The following FMN2 variants were observed in gnomAD, a reference collection of about 807,000 sequenced individuals.
The protein encoded by FMN2 is formin 2.
Under a neutral mutation model 142.3 loss-of-function variants are expected in FMN2, and 51 were observed. That is an observed-to-expected ratio of 0.36 (90% CI 0.29 to 0.45). The LOEUF (loss-of-function observed/expected upper bound fraction) is 0.45, where lower values mean the gene tolerates loss of function less well. Among genes scored for constraint, FMN2 ranks in the 20% least tolerant of loss-of-function variants. The pLI, the probability that FMN2 is intolerant of heterozygous loss-of-function variation, is 1.00. For missense variants in FMN2, 1,936 were observed against 2,122.8 expected (o/e 0.91, Z 1.73); for synonymous variants, 882 against 869.8 (o/e 1.01, Z -0.25).
chr1:240,113,816 A>G (rs1661913720), intron 1 of FMN2, among the ~76,000 whole-genome samples: 2 of 152,194 alleles, frequency 1.3e-5, no homozygotes, highest in African/African-American at 4.8e-5. Context: ...TGGAAATAAC[A>G]AAAACTGTTT....
intron 15 of FMN2, among the ~76,000 whole-genome samples, chr1:240,436,602 G>T (rs906750685): frequency 6.6e-6 from 1 of 151,816 alleles, no homozygotes; most frequent in Non-Finnish European, 1.5e-5. Context: ...GCTTGTACCC[G>T]GGAAGTGGAG....
intron 2 of FMN2, among the ~76,000 whole-genome samples, chr1:240,172,458 TCAAA>T (rs1223883447): frequency 6.6e-6 from 1 of 152,176 alleles, no homozygotes; most frequent in African/African-American, 2.4e-5. Flanking sequence ...ACTATTGTAA[TCAAA>T]CATAGATTTT....
intron 14 of FMN2, among the ~76,000 whole-genome samples, chr1:240,381,542 G>T (rs1322532071): frequency 6.6e-6 from 1 of 152,120 alleles, no homozygotes; most frequent in African/African-American, 2.4e-5. Flanking sequence ...CGGTTCTCCT[G>T]CCTCAGCCTT....
At chr1:240,305,846 G>A (rs941262512) in intron 8 of FMN2, among the ~76,000 whole-genome samples, 3 of 151,876 alleles carry the variant, frequency 2.0e-5, no homozygotes, top group African/African-American at 4.8e-5. Context: ...GGTCATCTTA[G>A]TAGTGTAGCA....
chr1:240,325,832 A>G (rs926404802), intron 8 of FMN2, among the ~76,000 whole-genome samples: 1 of 152,228 alleles, frequency 6.6e-6, no homozygotes, highest in Non-Finnish European at 1.5e-5. Context: ...TCTGAGCACA[A>G]GACGGCTGTG....
intron 3 of FMN2, among the ~76,000 whole-genome samples, chr1:240,184,592 T>C (rs902097302): frequency 1.3e-5 from 2 of 151,448 alleles, no homozygotes; most frequent in Non-Finnish European, 2.9e-5. Context: ...GTGGCCATTT[T>C]AAATGTACCC....
intron 6 of FMN2, among the ~76,000 whole-genome samples, chr1:240,236,948 CT>C (rs1198660202): frequency 1.3e-5 from 2 of 152,142 alleles, no homozygotes; most frequent in Non-Finnish European, 1.5e-5. Flanking sequence ...TTGGGTTTAA[CT>C]TTTTATGGAA....
chr1:240,371,556 A>G (rs544923838), intron 14 of FMN2, among the ~76,000 whole-genome samples: 48 of 152,182 alleles, frequency 3.2e-4, no homozygotes, highest in Non-Finnish European at 5.7e-4. Context: ...TGTTAAAGCA[A>G]TTCTGGTATA....
chr1:240,419,229 T>C (rs1396360025), intron 15 of FMN2, among the ~76,000 whole-genome samples: 2 of 152,200 alleles, frequency 1.3e-5, no homozygotes, highest in African/African-American at 2.4e-5. Context: ...TGCCTACATA[T>C]CTAGAGTTTT....
At chr1:240,138,325 A>G (rs1663039205) in intron 2 of FMN2, among the ~76,000 whole-genome samples, 1 of 151,922 alleles carries the variant, frequency 6.6e-6, no homozygotes, top group Admixed American at 6.6e-5. Flanking sequence ...CCCTGAGGAA[A>G]CCGTTGCAGC....
intron 2 of FMN2, chr1:240,144,377 G>A: frequency 5.6e-6 from 9 of 1,607,132 alleles, no homozygotes; most frequent in African/African-American, 2.7e-5. Flanking sequence ...CAGCTCCCGA[G>A]CTAAGGCCAA....
intron 13 of FMN2, among the ~76,000 whole-genome samples, chr1:240,342,656 T>C (rs1249023430): frequency 6.6e-6 from 1 of 152,174 alleles, no homozygotes; most frequent in East Asian, 1.9e-4. Flanking sequence ...ATGAATTTTA[T>C]GGGTGAGTTG....
Position 240,092,945 on chromosome 1 carries a change from T to A in FMN2, c.836T>A (p.Leu279Gln). The A allele has an allele frequency of 2.1e-6, 3 of 1,432,286 alleles. No homozygotes were observed. The highest frequency in any genetic ancestry group is 1.5e-5 in the South Asian group (1 of 68,780). The allele number at this position is 1,432,286 out of a possible 1,614,324, so 88.7% of individuals were successfully genotyped here. ...TEQALSALSD[L>Q]PESLAAEPRE... is the part of the protein sequence containing the mutation. ...CAGGCGCTGTCCGCGCTCTCCGACC[T>A]GCCCGAGAGCCTGGCCGCCGAGCCC... Residue 279 changes from leucine to glutamine, a missense_variant, in exon 1 of 18, where the codon CTG becomes CAG. Around this residue, in one of 8 missense-constraint regions of FMN2, gnomAD observed 751 missense variants for 791.8 expected, o/e 0.95. Coordinates refer to ENST00000319653, the MANE Select transcript of FMN2 (RefSeq NM_020066.5).
intron 15 of FMN2, among the ~76,000 whole-genome samples, chr1:240,426,725 A>C (rs947644909): frequency 2.0e-5 from 3 of 152,046 alleles, no homozygotes; most frequent in Non-Finnish European, 2.9e-5. Context: ...TCTCTAAAAG[A>C]TACCCTTTTA....
chr1:240,212,856 A>G (rs866201555), intron 6 of FMN2, among the ~76,000 whole-genome samples: 32 of 151,638 alleles, frequency 2.1e-4, no homozygotes, highest in Middle Eastern at 3.4e-3. Context: ...TAGATGTGGC[A>G]TGGAGCCTCT....
intron 15 of FMN2, among the ~76,000 whole-genome samples, chr1:240,397,372 AATT>A (rs1673815921): frequency 6.6e-6 from 1 of 152,116 alleles, no homozygotes; most frequent in Admixed American, 6.5e-5. Context: ...CTAGAGACAG[AATT>A]CTTTCATATT....
At chr1:240,104,109 A>G (rs563709858) in intron 1 of FMN2, among the ~76,000 whole-genome samples, 1 of 150,732 alleles carries the variant, frequency 6.6e-6, no homozygotes, top group African/African-American at 2.4e-5. Flanking sequence ...CGATCTCCTG[A>G]CCTCGTGATC....
At chr1:240,250,105 A>G (rs1016448799) in intron 6 of FMN2, among the ~76,000 whole-genome samples, 1 of 152,146 alleles carries the variant, frequency 6.6e-6, no homozygotes, top group Non-Finnish European at 1.5e-5. Context: ...TTCTCTGGCT[A>G]GGAATTCTAG....
chr1:240,115,983 T>A (rs1662005992), intron 1 of FMN2, among the ~76,000 whole-genome samples: 1 of 152,188 alleles, frequency 6.6e-6, no homozygotes, highest in African/African-American at 2.4e-5. Context: ...ACAGGGCAAC[T>A]TCCTGAGGTT....
Sources: gnomAD v4.1 joint callset for allele counts (sites outside exome capture counted in the v4.1 genomes callset) on GRCh38, gnomAD v4.1.1 for gene constraint, gnomAD v4.1.1 regional missense constraint, MANE v1.5 for transcripts, NCBI Gene and HGNC (gene_info 2026-07-23, HGNC 2026-07-21) for gene names.